MED27: variants seen among roughly 807,000 people sequenced by gnomAD.
MED27 encodes mediator of RNA polymerase II transcription subunit 27.
Under a neutral mutation model 38.2 loss-of-function variants are expected in MED27, and 30 were observed. The observed-to-expected ratio is 0.79, with a 90% CI of 0.59 to 1.07. MED27 has a LOEUF of 1.07. MED27 is among the 50% of genes least tolerant of loss of function. The pLI is 0.00. For synonymous variants in MED27, 122 were observed against 153.5 expected, an observed-to-expected ratio of 0.79 and a Z score of 1.52; for missense variants, 289 against 397.5, an observed-to-expected ratio of 0.73 and a Z score of 2.32.
At chr9:131,865,983 G>A (rs1838730363) in intron 6 of MED27, among the ~76,000 whole-genome samples, 1 of 152,190 alleles carries the variant, frequency 6.6e-6, no homozygotes, top group Non-Finnish European at 1.5e-5. Flanking sequence ...AGCAGCTGAG[G>A]AGCGGTGACA....
chr9:131,927,137 T>G (rs984388433), intron 4 of MED27, among the ~76,000 whole-genome samples: 1 of 152,228 alleles, frequency 6.6e-6, no homozygotes, highest in Admixed American at 6.5e-5. Context: ...ATAACTGTGC[T>G]CATCTCTTCA....
At chr9:131,901,340 T>C (rs1241620784) in intron 4 of MED27, among the ~76,000 whole-genome samples, 1 of 152,190 alleles carries the variant, frequency 6.6e-6, no homozygotes, top group East Asian at 1.9e-4. Flanking sequence ...CATAGAACTG[T>C]AGGCTGAAAA....
intron 3 of MED27, among the ~76,000 whole-genome samples, chr9:131,973,137 C>CT (rs1831518160): frequency 6.6e-6 from 1 of 152,218 alleles, no homozygotes; most frequent in African/African-American, 2.4e-5. Flanking sequence ...TTCTAGTACA[C>CT]TTTTTTCTTT....
chr9:131,932,593 A>G (rs1425085090), intron 4 of MED27, among the ~76,000 whole-genome samples: 3 of 152,118 alleles, frequency 2.0e-5, no homozygotes, highest in Admixed American at 6.5e-5. Context: ...GAACAGACCA[A>G]TATCAAGTAA....
chr9:131,904,658 C>T (rs1186339000), intron 4 of MED27, among the ~76,000 whole-genome samples: 1 of 152,248 alleles, frequency 6.6e-6, no homozygotes, highest in Admixed American at 6.5e-5. Flanking sequence ...TGCACCTGGC[C>T]AACAAGGTTT....
chr9:131,967,308 GTATCCCCCA>G (rs1470577460), intron 3 of MED27, among the ~76,000 whole-genome samples: 3 of 152,128 alleles, frequency 2.0e-5, no homozygotes, highest in Non-Finnish European at 4.4e-5. Flanking sequence ...TCTCTTAAAT[GTATCCCCCA>G]TGACACCACC....
chr9:131,880,450 T>C (rs1007054287), intron 6 of MED27, among the ~76,000 whole-genome samples: 1 of 152,236 alleles, frequency 6.6e-6, no homozygotes. Context: ...CCTCTCCCAA[T>C]TGTGGTTCTT....
At chr9:132,055,446 A>G (rs1404519937) in intron 2 of MED27, among the ~76,000 whole-genome samples, 1 of 152,206 alleles carries the variant, frequency 6.6e-6, no homozygotes, top group African/African-American at 2.4e-5. Flanking sequence ...TTATAAACAA[A>G]ATACAGTAAT....
At chr9:131,993,804 C>T (rs1436484713) in intron 3 of MED27, among the ~76,000 whole-genome samples, 1 of 152,220 alleles carries the variant, frequency 6.6e-6, no homozygotes, top group Non-Finnish European at 1.5e-5. Flanking sequence ...AGGCTCTCCC[C>T]ATGTCTGTGT....
At chr9:131,998,859 T>C (rs922077918) in intron 3 of MED27, among the ~76,000 whole-genome samples, 3 of 151,936 alleles carry the variant, frequency 2.0e-5, no homozygotes, top group Non-Finnish European at 2.9e-5. Context: ...ATTTACTTAA[T>C]GTATTTACTT....
At chr9:132,011,949 CTTTTT>C (rs55947789) in intron 3 of MED27, among the ~76,000 whole-genome samples, 1 of 138,562 alleles carries the variant, frequency 7.2e-6, no homozygotes, top group Admixed American at 7.2e-5. Context: ...ACCTCTCGCT[CTTTTT>C]TTTTTTTTTT....
At chr9:131,908,013 T>C (rs1460411205) in intron 4 of MED27, among the ~76,000 whole-genome samples, 7 of 148,838 alleles carry the variant, frequency 4.7e-5, no homozygotes, top group Non-Finnish European at 7.4e-5. Flanking sequence ...GAGGAGCCCC[T>C]CCGCCCGGCA....
At chr9:131,873,306 A>G (rs1320687813) in intron 6 of MED27, among the ~76,000 whole-genome samples, 1 of 152,222 alleles carries the variant, frequency 6.6e-6, no homozygotes, top group South Asian at 2.1e-4. Flanking sequence ...ACAGTCCCAG[A>G]AGTACTCATT....
rs185567142 is a variant in MED27 at position 131,978,686 on chromosome 9, C to A, written c.479+35651G>T. ...TAAAAAGTTAAAACAACAACAACAA[C>A]AAAAAAAACTCTTAAGAAAAATGAC... is the stretch of plus-strand genomic sequence containing the variant. On this transcript the variant is annotated intron_variant, in intron 3 of 7. Transcript: ENST00000292035. Among the ~76,000 whole-genome samples, 158 of 151,940 alleles carry A rather than the reference C, an allele frequency of 1.0e-3. 1 individual carries two copies. Among genetic ancestry groups the A allele is most frequent in the Middle Eastern group, 3.4e-3 (1 of 294 alleles).
At chr9:131,930,837 A>C (rs1245944736) in intron 4 of MED27, among the ~76,000 whole-genome samples, 2 of 152,228 alleles carry the variant, frequency 1.3e-5, no homozygotes, top group African/African-American at 4.8e-5. Flanking sequence ...ATAAAGAAAA[A>C]CAACCAAAAG....
chr9:132,067,779 T>G (rs565722780), intron 2 of MED27, among the ~76,000 whole-genome samples: 1 of 151,894 alleles, frequency 6.6e-6, no homozygotes, highest in Admixed American at 6.6e-5. Context: ...TGGTGTGATC[T>G]CGGCTCATTG....
chr9:132,047,886 G>GA (rs1247402029), intron 2 of MED27, among the ~76,000 whole-genome samples: 15 of 151,840 alleles, frequency 9.9e-5, no homozygotes, highest in Non-Finnish European at 1.9e-4. Context: ...CATTTACCTA[G>GA]AAAAAAAGAC....
At chr9:132,075,149 A>C (rs1280828064) in intron 2 of MED27, among the ~76,000 whole-genome samples, 1 of 152,270 alleles carries the variant, frequency 6.6e-6, no homozygotes, top group Non-Finnish European at 1.5e-5. Flanking sequence ...AAACGGGGAA[A>C]AAAATTGTTT....
chr9:131,959,493 A>G (rs1007539471), intron 3 of MED27, among the ~76,000 whole-genome samples: 1 of 152,182 alleles, frequency 6.6e-6, no homozygotes, highest in Admixed American at 6.5e-5. Flanking sequence ...GGAAAAGTCT[A>G]GATTCCATCC....
Sources: gnomAD v4.1 joint callset for allele counts (sites outside exome capture counted in the v4.1 genomes callset) on GRCh38, gnomAD v4.1.1 for gene constraint, MANE v1.5 for transcripts, NCBI Gene and HGNC (gene_info 2026-07-23, HGNC 2026-07-21) for gene names.